Variants in ITPR2 observed in about 807,000 individuals in gnomAD.
ITPR2 encodes the protein inositol 1,4,5-trisphosphate-gated calcium channel ITPR2.
Under a neutral mutation model 317.1 loss-of-function variants are expected in ITPR2, and 207 were observed. The observed-to-expected ratio is 0.65, with a 90% CI of 0.58 to 0.73. The LOEUF is 0.73. Ranked by LOEUF, ITPR2 falls within the 30% of genes least tolerant of loss-of-function variation. The probability of loss-of-function intolerance (pLI) is 0.00; values close to 1 mark genes in which losing one functional copy is unlikely to be tolerated. For missense variants in ITPR2, 2,613 were observed against 3,284.0 expected (o/e 0.80, Z 4.99); for synonymous variants, 1,156 against 1,149.1 (o/e 1.01, Z -0.12).
chr12:26,481,095 G>A (rs761713283), intron 43 of ITPR2, 36 bp downstream of exon 43: 1 of 1,237,656 alleles, frequency 8.1e-7, no homozygotes, highest in South Asian at 1.2e-5. Flanking sequence ...TATAGAGACT[G>A]TAGCTTTTCT....
Position 26,374,063 on chromosome 12 carries a change from G to A in ITPR2, c.7857+13371C>T, listed in dbSNP as rs187532109. On this transcript the variant is annotated intron_variant, in intron 55 of 56. Transcript: ENST00000381340. ...ATGTCTGTCCTCATGTCCTCTCTGC[G>A]GCACTCCGGATGGTGTCATACCACA... is the stretch of plus-strand genomic sequence containing the variant. 4.6e-5 allele frequency among the ~76,000 whole-genome samples: 7 copies of A among 152,222 alleles called. No homozygotes were observed. The East Asian group carries it at 1.2e-3, about 25-fold the overall frequency.
At chr12:26,497,180 G>C (rs1942953901) in intron 37 of ITPR2, among the ~76,000 whole-genome samples, 1 of 142,342 alleles carries the variant, frequency 7.0e-6, no homozygotes, top group Non-Finnish European at 1.5e-5. Context: ...TTGAGACGGA[G>C]TCTCGCTCTG....
rs146159010 is a variant in ITPR2, at chr12:26,389,960, T to G, written c.7697-2366A>C. On this transcript the variant is annotated intron_variant, in intron 54 of 56. Transcript: ENST00000381340. ...TAAGAGCCACCTGGGCAGATATATT[T>G]CTTTTCTTCACCAACGGTCCCAAAA... Among the ~76,000 whole-genome samples, 372 of 152,330 alleles carry G rather than the reference T, an allele frequency of 2.4e-3. 1 individual carries two copies. Among genetic ancestry groups the G allele is most frequent in the African/African-American group, 8.6e-3 (356 of 41,584 alleles).
chr12:26,685,658 A>T (rs1051896308), intron 11 of ITPR2, among the ~76,000 whole-genome samples: 1 of 152,102 alleles, frequency 6.6e-6, no homozygotes, highest in African/African-American at 2.4e-5. Flanking sequence ...AGAATGTAAG[A>T]TATTGTCTTA....
chr12:26,391,467 C>T (rs1355493103), intron 54 of ITPR2, among the ~76,000 whole-genome samples: 1 of 150,260 alleles, frequency 6.7e-6, no homozygotes, highest in Non-Finnish European at 1.5e-5. Context: ...TGAAATGGTA[C>T]ATCTGGCAGA....
chr12:26,409,977 C>G (rs1367575796), intron 52 of ITPR2, among the ~76,000 whole-genome samples: 1 of 152,198 alleles, frequency 6.6e-6, no homozygotes, highest in Admixed American at 6.5e-5. Flanking sequence ...TATGACATGA[C>G]AGCTGAACCA....
chr12:26,625,350 C>G (rs1399798024), intron 23 of ITPR2, among the ~76,000 whole-genome samples: 1 of 151,570 alleles, frequency 6.6e-6, no homozygotes, highest in African/African-American at 2.4e-5. Context: ...ATTTGTAACA[C>G]AAAAGATAAA....
chr12:26,668,178 A>G (rs1385443375), intron 13 of ITPR2, among the ~76,000 whole-genome samples: 1 of 152,240 alleles, frequency 6.6e-6, no homozygotes, highest in African/African-American at 2.4e-5. Flanking sequence ...ACAAAATAAG[A>G]AAAACACAGT....
intron 55 of ITPR2, chr12:26,373,507 T>C (rs963558274): frequency 8.5e-5 from 13 of 152,212 alleles, no homozygotes; most frequent in Admixed American, 6.5e-5. Context: ...TCTGGTGAAC[T>C]GGTGCTTTTT....
chr12:26,437,384 T>C (rs1329110801), intron 47 of ITPR2, among the ~76,000 whole-genome samples: 1 of 152,268 alleles, frequency 6.6e-6, no homozygotes, highest in African/African-American at 2.4e-5. Context: ...CATCTTGTTT[T>C]CCTTCTCTTG....
At chr12:26,784,687 C>G (rs1340492061) in intron 2 of ITPR2, among the ~76,000 whole-genome samples, 1 of 151,618 alleles carries the variant, frequency 6.6e-6, no homozygotes, top group African/African-American at 2.4e-5. Flanking sequence ...GATCTCGGCT[C>G]GCTACAGCCT....
At chr12:26,574,978 A>G (rs967454863) in intron 34 of ITPR2, among the ~76,000 whole-genome samples, 7 of 151,930 alleles carry the variant, frequency 4.6e-5, no homozygotes, top group Admixed American at 3.3e-4. Context: ...CCATTTCCAC[A>G]TGAGATCTGG....
At chr12:26,617,044 C>T (rs1946388332) in intron 26 of ITPR2, among the ~76,000 whole-genome samples, 1 of 152,108 alleles carries the variant, frequency 6.6e-6, no homozygotes, top group Admixed American at 6.5e-5. Flanking sequence ...GTAAGGCTTC[C>T]AGTCAACAGT....
At chr12:26,724,593 T>C (rs1948888892) in intron 4 of ITPR2, 63 bp downstream of exon 4, 3 of 1,014,190 alleles carry the variant, frequency 3.0e-6, no homozygotes, top group Middle Eastern at 2.0e-4. Context: ...AGTTTGGCTT[T>C]CCTGCCAACT....
intron 55 of ITPR2, among the ~76,000 whole-genome samples, chr12:26,368,474 T>C (rs928292842): frequency 6.6e-6 from 1 of 152,188 alleles, no homozygotes; most frequent in East Asian, 1.9e-4. Flanking sequence ...AATGTAAAGG[T>C]AGATAATATT....
intron 2 of ITPR2, among the ~76,000 whole-genome samples, chr12:26,776,366 G>A (rs1949970104): frequency 6.6e-6 from 1 of 152,152 alleles, no homozygotes; most frequent in African/African-American, 2.4e-5. Context: ...TCTAACTCCT[G>A]GCTTCAGAAG....
chr12:26,706,243 C>T (rs1948548825), intron 9 of ITPR2, among the ~76,000 whole-genome samples: 1 of 152,088 alleles, frequency 6.6e-6, no homozygotes, highest in African/African-American at 2.4e-5. Context: ...ATTTAATAGC[C>T]AACATGTGGC....
intron 52 of ITPR2, chr12:26,400,893 A>AGGGCC (rs1489050556): frequency 6.6e-6 from 1 of 152,204 alleles, no homozygotes; most frequent in Admixed American, 6.6e-5. Context: ...TAAAATGGGG[A>AGGGCC]GGGCCGTTTG....
chr12:26,639,117 A>G (rs1024273455), intron 21 of ITPR2, among the ~76,000 whole-genome samples: 3 of 152,192 alleles, frequency 2.0e-5, no homozygotes, highest in Non-Finnish European at 4.4e-5. Context: ...GGAATTGCAT[A>G]GGACTATACA....
Sources: allele counts gnomAD v4.1 joint callset (sites outside exome capture counted in the v4.1 genomes callset), GRCh38; gene constraint gnomAD v4.1.1; transcripts MANE v1.5; gene names NCBI Gene and HGNC (gene_info 2026-07-23, HGNC 2026-07-21).